The following WWOX variants were observed in gnomAD, a reference collection of about 807,000 sequenced individuals.
WWOX encodes WW domain containing oxidoreductase.
A neutral mutation model predicts 46.2 loss-of-function variants in WWOX; 69 were observed. That is an observed-to-expected ratio of 1.49 (90% CI 1.23 to 1.82). WWOX has a LOEUF of 1.82. Ranked by LOEUF, WWOX falls within the 40% of genes most tolerant of loss-of-function variation. WWOX has a pLI of 0.00. For missense variants in WWOX, 919 were observed against 542.6 expected, an observed-to-expected ratio of 1.69 and a Z score of -6.89; for synonymous variants, 359 against 202.6, an observed-to-expected ratio of 1.77 and a Z score of -6.56.
At chr16:78,681,226 G>A (rs975770417) in intron 8 of WWOX, among the ~76,000 whole-genome samples, 1 of 152,042 alleles carries the variant, frequency 6.6e-6, no homozygotes, top group Non-Finnish European at 1.5e-5. Flanking sequence ...GGGCAACAGA[G>A]CAAGACTGTC....
intron 8 of WWOX, among the ~76,000 whole-genome samples, chr16:78,918,684 C>T (rs1379078162): frequency 1.3e-5 from 2 of 152,196 alleles, no homozygotes; most frequent in South Asian, 2.1e-4. Context: ...GAAAGCACTG[C>T]ATCCATTATC....
At chr16:78,897,527 A>G (rs556922310) in intron 8 of WWOX, 1 of 152,116 alleles carries the variant, frequency 6.6e-6, no homozygotes, top group Non-Finnish European at 1.5e-5. Context: ...AATGCTGGAT[A>G]GTATCCTGTG....
At chr16:78,105,458 CA>C (rs61383923) in intron 1 of WWOX, among the ~76,000 whole-genome samples, 14,599 of 126,510 alleles carry the variant, frequency 0.12, 1,511 homozygotes, top group African/African-American at 0.31. Flanking sequence ...GACTCTGTCT[CA>C]AAAAAAAAAA....
chr16:78,790,918 C>G (rs2050580714), intron 8 of WWOX, among the ~76,000 whole-genome samples: 1 of 143,132 alleles, frequency 7.0e-6, no homozygotes, highest in Non-Finnish European at 1.5e-5. Context: ...ACTCAGGAGG[C>G]TGAGGTGGGA....
At chr16:78,100,197 G>A (rs1174061589) in intron 1 of WWOX, 22 of 1,207,488 alleles carry the variant, frequency 1.8e-5, no homozygotes, top group Non-Finnish European at 2.1e-5. Context: ...TTTAAAAAGC[G>A]CACATGCTCA....
At chr16:78,304,161 G>T (rs567827819) in intron 5 of WWOX, among the ~76,000 whole-genome samples, 1 of 152,108 alleles carries the variant, frequency 6.6e-6, no homozygotes. Flanking sequence ...CTCTTCTCCC[G>T]ATCAGCTGTT....
intron 8 of WWOX, among the ~76,000 whole-genome samples, chr16:78,659,261 G>C (rs1170670673): frequency 1.3e-5 from 2 of 152,142 alleles, no homozygotes; most frequent in African/African-American, 4.8e-5. Flanking sequence ...GACTCACAGA[G>C]ATAACCGTGT....
In WWOX at chr16:78,639,883, G is replaced by A. The variant is rs151185956; in HGVS notation, c.1056+207131G>A. ...GCTAGGCCCAGATTGGCTTCTGTGT[G>A]AGGATGAAGAGTAATAGGAAGATAG... On this transcript the variant is annotated intron_variant, in intron 8 of 8. Transcript: ENST00000566780. Among the ~76,000 whole-genome samples, 13 of 152,134 alleles carry A rather than the reference G, an allele frequency of 8.5e-5. No individual in the cohort carries two copies. The East Asian group carries it at 1.7e-3, about 20-fold the overall frequency.
At chr16:79,029,353 A>C (rs529712653) in intron 8 of WWOX, among the ~76,000 whole-genome samples, 14 of 152,222 alleles carry the variant, frequency 9.2e-5, no homozygotes, top group African/African-American at 2.4e-5. Flanking sequence ...TGCAGTCTAC[A>C]TGCCTGTTAA....
intron 8 of WWOX, among the ~76,000 whole-genome samples, chr16:79,122,287 G>A (rs778409407): frequency 2.0e-5 from 3 of 152,176 alleles, no homozygotes; most frequent in Non-Finnish European, 2.9e-5. Context: ...AAGGGAGGAG[G>A]TGGGAGGGAG....
At chr16:78,837,391 G>A (rs899326903) in intron 8 of WWOX, among the ~76,000 whole-genome samples, 1 of 152,116 alleles carries the variant, frequency 6.6e-6, no homozygotes. Context: ...GTGTCATTCT[G>A]TGTGATATTG....
chr16:78,992,492 A>G (rs539732212), intron 8 of WWOX, among the ~76,000 whole-genome samples: 11 of 152,108 alleles, frequency 7.2e-5, no homozygotes, highest in East Asian at 5.8e-4. Context: ...AACAAAAACA[A>G]TTTGGCTCCA....
chr16:79,149,024 CT>C (rs1455242595), intron 8 of WWOX, among the ~76,000 whole-genome samples: 3 of 151,888 alleles, frequency 2.0e-5, no homozygotes, highest in African/African-American at 7.3e-5. Context: ...TATGTGTGCC[CT>C]TTTTTTATTG....
intron 8 of WWOX, among the ~76,000 whole-genome samples, chr16:78,589,778 C>T (rs1275849726): frequency 6.6e-6 from 1 of 152,192 alleles, no homozygotes; most frequent in African/African-American, 2.4e-5. Context: ...GGTTGGTCAT[C>T]TCTCTGCTGG....
chr16:79,090,169 C>T (rs1460193855), intron 8 of WWOX: 2 of 152,078 alleles, frequency 1.3e-5, no homozygotes, highest in East Asian at 3.9e-4. Context: ...ATTAATGTTA[C>T]TGGAAGGCCC....
chr16:78,467,341 A>G (rs1027235662), intron 8 of WWOX, among the ~76,000 whole-genome samples: 3 of 152,156 alleles, frequency 2.0e-5, no homozygotes, highest in Non-Finnish European at 4.4e-5. Flanking sequence ...GCGCACATAC[A>G]CATATTTTAA....
chr16:78,855,959 G>A (rs1448494632), intron 8 of WWOX, among the ~76,000 whole-genome samples: 2 of 152,120 alleles, frequency 1.3e-5, no homozygotes, highest in African/African-American at 2.4e-5. Context: ...AGTTTTGTAC[G>A]GAAAAAGTCG....
chr16:78,449,205 C>G (rs1001746782), intron 8 of WWOX, among the ~76,000 whole-genome samples: 3 of 152,154 alleles, frequency 2.0e-5, no homozygotes, highest in South Asian at 2.1e-4. Flanking sequence ...GTAGGGATCT[C>G]CATCATGGCT....
chr16:78,793,636 A>C (rs12448575), intron 8 of WWOX, among the ~76,000 whole-genome samples: 22,397 of 152,226 alleles, frequency 0.15, 1,769 homozygotes, highest in Non-Finnish European at 0.17. Context: ...TACATAGCAC[A>C]CAGCAAAAAA....
Sources: allele counts gnomAD v4.1 joint callset (sites outside exome capture counted in the v4.1 genomes callset), GRCh38; gene constraint gnomAD v4.1.1; transcripts MANE v1.5; gene names NCBI Gene and HGNC (gene_info 2026-07-23, HGNC 2026-07-21).